The following RFWD3 variants were observed in gnomAD, a reference collection of about 807,000 sequenced individuals.
RFWD3 encodes the protein E3 ubiquitin-protein ligase RFWD3.
A neutral mutation model predicts 87.7 loss-of-function variants in RFWD3; 65 were observed. The observed-to-expected ratio is 0.74, with a 90% confidence interval of 0.61 to 0.91. The LOEUF (loss-of-function observed/expected upper bound fraction) is 0.91, where lower values mean the gene tolerates loss of function less well. Among genes scored for constraint, RFWD3 ranks in the 40% least tolerant of loss-of-function variants. The probability of loss-of-function intolerance (pLI) is 0.00; values close to 1 mark genes in which losing one functional copy is unlikely to be tolerated. For missense variants in RFWD3, 1,078 were observed against 938.5 expected, an observed-to-expected ratio of 1.15 and a Z score of -1.94; for synonymous variants, 433 against 352.8, an observed-to-expected ratio of 1.23 and a Z score of -2.55.
At chr16:74,663,578 G>C (rs1213605221) in intron 1 of RFWD3, among the ~76,000 whole-genome samples, 2 of 152,180 alleles carry the variant, frequency 1.3e-5, no homozygotes, top group African/African-American at 4.8e-5. Flanking sequence ...GTACATATAT[G>C]TATCTTTCTC....
chr16:74,666,089 G>C (rs1321576427), intron 1 of RFWD3, among the ~76,000 whole-genome samples: 2 of 152,044 alleles, frequency 1.3e-5, no homozygotes, highest in Admixed American at 6.6e-5. Context: ...AGAGGGAGAC[G>C]GGAGGGGAAG....
intron 3 of RFWD3, among the ~76,000 whole-genome samples, chr16:74,649,768 G>C (rs1319188948): frequency 6.6e-6 from 1 of 152,142 alleles, no homozygotes; most frequent in East Asian, 1.9e-4. Flanking sequence ...TAATGAGCTT[G>C]TGATGTCTCT....
At chr16:74,646,810 C>T (rs1192773973) in intron 4 of RFWD3, among the ~76,000 whole-genome samples, 1 of 152,138 alleles carries the variant, frequency 6.6e-6, no homozygotes, top group Non-Finnish European at 1.5e-5. Flanking sequence ...TGGTGGCTCA[C>T]GCCTGTAATC....
At chr16:74,638,507 T>G (rs1204850406) in intron 6 of RFWD3, among the ~76,000 whole-genome samples, 1 of 152,132 alleles carries the variant, frequency 6.6e-6, no homozygotes, top group African/African-American at 2.4e-5. Flanking sequence ...AAATATATAT[T>G]TGTATGTACC....
chr16:74,662,196 G>A (rs1961500905), intron 1 of RFWD3, among the ~76,000 whole-genome samples: 1 of 151,902 alleles, frequency 6.6e-6, no homozygotes, highest in Non-Finnish European at 1.5e-5. Flanking sequence ...GCCCAAACTG[G>A]TCTTGAATGC....
intron 4 of RFWD3, 68 bp downstream of exon 4, chr16:74,649,064 A>C (rs886321767): frequency 1.6e-5 from 17 of 1,035,126 alleles, no homozygotes; most frequent in Non-Finnish European, 1.9e-5. Context: ...CCTGGGTGAG[A>C]GTGAGACCTA....
At chr16:74,641,948 A>C (rs1038405590) in intron 6 of RFWD3, among the ~76,000 whole-genome samples, 11 of 150,920 alleles carry the variant, frequency 7.3e-5, no homozygotes, top group Non-Finnish European at 1.5e-4. Context: ...AAAAAAAAAA[A>C]AAAAAACCAA....
chr16:74,630,772 G>A lies in RFWD3; in HGVS notation c.1754+9C>T. The A allele has an allele frequency of 1.3e-6, 2 of 1,584,080 alleles. No homozygotes were observed. Among genetic ancestry groups the A allele is most frequent in the Non-Finnish European group, 1.7e-6 (2 of 1,166,238 alleles). Reference sequence around the variant, plus strand: ...GCTACCACCAGGAAAAGAGTGAGTGGCTCCCTACCTGGCTTTCTGAGCTAC... The same window carrying A: ...GCTACCACCAGGAAAAGAGTGAGTGACTCCCTACCTGGCTTTCTGAGCTAC... On this transcript the variant is annotated intron_variant, in intron 10 of 12. Coordinates refer to ENST00000361070, the MANE Select transcript of RFWD3 (RefSeq NM_018124.4).
intron 1 of RFWD3, chr16:74,666,194 ATAGATAGATAG>A (rs1961895098): frequency 8.7e-6 from 1 of 114,632 alleles, no homozygotes; most frequent in South Asian, 3.0e-4. Flanking sequence ...AGATAGATAG[ATAGATAGATAG>A]ATAGATAGAT....
Position 74,626,493 on chromosome 16 carries a change from AGT to A in RFWD3, c.2029_2030del (p.Thr677TrpfsTer34). 1 of 1,614,128 alleles carries A rather than the reference AGT, an allele frequency of 6.2e-7. No individual in the cohort carries two copies. Among genetic ancestry groups the A allele is most frequent in the South Asian group, 1.1e-5 (1 of 91,074 alleles). On this transcript the variant is annotated frameshift_variant, in exon 12 of 13. Coordinates refer to ENST00000361070, the MANE Select transcript of RFWD3 (RefSeq NM_018124.4). LOFTEE classifies it high-confidence loss of function. ...GCTGGCAGGAGCAGATTGGATTTCC[AGT>A]GTCATCCAGTCGGTAGGACATTTCC... is the stretch of plus-strand genomic sequence containing the variant. Reference protein sequence around the residue: ...LMEMSYRLDDTGNPICSCQPV... With the variant: ...LMEMSYRLDDXGNPICSCQPV...
chr16:74,658,749 C>T (rs936531004), intron 2 of RFWD3, among the ~76,000 whole-genome samples: 5 of 151,686 alleles, frequency 3.3e-5, no homozygotes, highest in Admixed American at 2.0e-4. Context: ...TAACTCATTC[C>T]CTGAGCAGAT....
At chr16:74,652,149 T>G (rs1034709212) in intron 2 of RFWD3, 27 bp from the exon 3 acceptor site, 1 of 1,588,232 alleles carries the variant, frequency 6.3e-7, no homozygotes, top group African/African-American at 1.3e-5. Context: ...ACAACGGAAT[T>G]ATAGTACAAT....
chr16:74,631,630 G>C (rs550457773), intron 9 of RFWD3, among the ~76,000 whole-genome samples: 5 of 152,104 alleles, frequency 3.3e-5, no homozygotes, highest in African/African-American at 1.2e-4. Flanking sequence ...TGTGACTAAG[G>C]GTATAAAAGA....
intron 1 of RFWD3, chr16:74,664,391 G>A (rs1961710761): frequency 6.6e-6 from 1 of 152,200 alleles, no homozygotes; most frequent in Non-Finnish European, 1.5e-5. Flanking sequence ...GGGGAGAAAT[G>A]GACTAAAAAG....
chr16:74,651,992 C>G lies in RFWD3; in HGVS notation c.649G>C (p.Asp217His). The change falls in exon 3 of 13, where the codon GAC becomes CAC. Residue 217 changes from aspartate (D) to histidine (H), a missense_variant. Coordinates refer to ENST00000361070, the MANE Select transcript of RFWD3 (RefSeq NM_018124.4). Reference protein sequence around the residue: ...ELQVSSSSDSDSDSSAEYGGV... With the variant: ...ELQVSSSSDSHSDSSAEYGGV... ...CCATACTCTGCAGAGCTGTCACTGT[C>G]AGAATCAGAACTACTAGACACCTGC... 6.2e-7 allele frequency: 1 copy of G among 1,614,116 alleles called. No individual in the cohort carries two copies. The highest frequency in any genetic ancestry group is 1.1e-5 in the South Asian group (1 of 91,072).
At chr16:74,663,848 G>A (rs922238693) in intron 1 of RFWD3, among the ~76,000 whole-genome samples, 2 of 152,188 alleles carry the variant, frequency 1.3e-5, no homozygotes, top group African/African-American at 4.8e-5. Context: ...CCACTAAAGG[G>A]ACTGTAAAAA....
chr16:74,635,815 GAA>G (rs1026928199), intron 8 of RFWD3, among the ~76,000 whole-genome samples: 2 of 152,164 alleles, frequency 1.3e-5, no homozygotes, highest in African/African-American at 4.8e-5. Context: ...TTGAGCATTT[GAA>G]AAGACTTGGT....
rs1958849636 is a variant in RFWD3 at position 74,624,124 on chromosome 16, A to T, written c.2182-53T>A. Reference sequence around the variant, plus strand: ...CAGGAGTCAGTCAGTACACGAAGGGACTTCCATTCTTCATCATCTAACAAG... The same window carrying T: ...CAGGAGTCAGTCAGTACACGAAGGGTCTTCCATTCTTCATCATCTAACAAG... On this transcript the variant is annotated intron_variant, in intron 12 of 12. Coordinates refer to ENST00000361070, the MANE Select transcript of RFWD3 (RefSeq NM_018124.4). 2.9e-5 allele frequency: 45 copies of T among 1,573,620 alleles called. No homozygotes were observed. In the South Asian group the frequency reaches 5.1e-4, roughly 18 times the overall value.
chr16:74,628,760 AGAG>A (rs1252131515), intron 10 of RFWD3, 94 bp from the exon 11 acceptor site: 4 of 1,092,064 alleles, frequency 3.7e-6, no homozygotes, highest in African/African-American at 1.6e-5. Context: ...CCACCTCTGC[AGAG>A]GAGGTTAAAC....
Sources: gnomAD v4.1 joint callset for allele counts (sites outside exome capture counted in the v4.1 genomes callset) on GRCh38, gnomAD v4.1.1 for gene constraint, MANE v1.5 for transcripts, NCBI Gene and HGNC (gene_info 2026-07-23, HGNC 2026-07-21) for gene names.